TENM4: variants seen among roughly 807,000 people sequenced by gnomAD.
TENM4 encodes teneurin transmembrane protein 4.
TENM4 carries 82 observed loss-of-function variants against 243.3 expected under a neutral mutation model. The ratio of observed to expected loss-of-function variants is 0.34; its 90% confidence interval spans 0.28 to 0.40. The LOEUF is 0.40. TENM4 is among the 10% of genes least tolerant of loss of function. The probability of loss-of-function intolerance (pLI) is 1.00; values close to 1 mark genes in which losing one functional copy is unlikely to be tolerated. For missense variants in TENM4, 3,138 were observed against 3,673.3 expected (o/e 0.85, Z 3.77); for synonymous variants, 1,412 against 1,456.3 (o/e 0.97, Z 0.69).
intron 19 of TENM4, among the ~76,000 whole-genome samples, chr11:78,754,494 G>C (rs891802817): frequency 2.6e-5 from 4 of 152,190 alleles, no homozygotes; most frequent in Non-Finnish European, 5.9e-5. Context: ...CCAGTAAGCA[G>C]AACAGCCATA....
rs1218683396 is a variant in TENM4 at position 78,661,589 on chromosome 11, C to T, written c.7411G>A (p.Val2471Ile). The change falls in exon 33 of 34, where the codon GTT becomes ATT. Residue 2471 changes from valine (V) to isoleucine (I), a missense_variant and splice_region_variant. Val to Ile is a conservative substitution (Grantham distance 29, BLOSUM62 3). Around this residue, in one of 2 missense-constraint regions of TENM4, gnomAD observed 2,467 missense variants for 3,059.1 expected, o/e 0.81. Transcript: ENST00000278550. The part of the protein sequence containing the change: ...SQDIKCFMTD[V>I]NSWLLTFGFQ... ...CCAAAGGTGAGCAGCCAGCTGTTAA[C>T]ATCTGGATGGGAGGGAAGCAGAAAC... The T allele has an allele frequency of 4.3e-6, 7 of 1,612,960 alleles. No individual in the cohort carries two copies. In the South Asian group the frequency reaches 7.7e-5, roughly 18 times the overall value.
At position 78,701,828 on chromosome 11, in the gene TENM4, G is replaced by A; in HGVS notation, c.4785C>T (p.His1595=). ...ELYLFDTTGK[H]LYTQSLPTGD... ...CTGTGGGCAGGCTTTGGGTGTACAG[G>A]TGCTTGCCGGTGGTATCAAACAGAT... The change falls in exon 28 of 34, where the codon CAC becomes CAT. Residue 1595 remains histidine, a synonymous_variant. Coordinates refer to ENST00000278550, the MANE Select transcript of TENM4 (RefSeq NM_001098816.3). 1.2e-6 allele frequency: 2 copies of A among 1,614,042 alleles called. No individual in the cohort carries two copies. Among genetic ancestry groups the A allele is most frequent in the Non-Finnish European group, 1.7e-6 (2 of 1,179,898 alleles).
chr11:79,279,895 G>A (rs1432276726), intron 2 of TENM4, among the ~76,000 whole-genome samples: 3 of 152,168 alleles, frequency 2.0e-5, no homozygotes, highest in Non-Finnish European at 4.4e-5. Flanking sequence ...AGGTGGTTAG[G>A]TTATGAGAGC....
At chr11:78,861,373 T>A (rs1383462511) in intron 10 of TENM4, among the ~76,000 whole-genome samples, 1 of 152,212 alleles carries the variant, frequency 6.6e-6, no homozygotes, top group African/African-American at 2.4e-5. Flanking sequence ...AGGGATTTGC[T>A]TAAGGTGATA....
At chr11:79,109,055 T>G (rs1861442010) in intron 4 of TENM4, among the ~76,000 whole-genome samples, 1 of 152,170 alleles carries the variant, frequency 6.6e-6, no homozygotes, top group African/African-American at 2.4e-5. Flanking sequence ...TGAGTCACTT[T>G]GCACACATCT....
intron 12 of TENM4, among the ~76,000 whole-genome samples, chr11:78,830,517 C>G (rs1857955757): frequency 6.6e-6 from 1 of 152,240 alleles, no homozygotes. Context: ...TCCCAGGGAG[C>G]AGACTCCCCC....
intron 6 of TENM4, among the ~76,000 whole-genome samples, chr11:78,992,573 A>G (rs1858072977): frequency 6.6e-6 from 1 of 152,230 alleles, no homozygotes; most frequent in South Asian, 2.1e-4. Flanking sequence ...TTCCTGCCGA[A>G]GATAGTTTTG....
At chr11:78,979,004 T>C (rs1471987477) in intron 6 of TENM4, among the ~76,000 whole-genome samples, 1 of 151,970 alleles carries the variant, frequency 6.6e-6, no homozygotes, top group Non-Finnish European at 1.5e-5. Context: ...TTTCATGGGA[T>C]TGGGGAAATG....
chr11:78,903,328 T>G lies in TENM4; in HGVS notation c.689A>C (p.Gln230Pro). 6.7e-7 allele frequency: 1 copy of G among 1,482,704 alleles called. No individual in the cohort carries two copies. Among genetic ancestry groups the G allele is most frequent in the African/African-American group, 1.5e-5 (1 of 68,360 alleles). 91.8% of individuals were successfully genotyped at this position (1,482,704 alleles called of 1,614,324 possible). ...GTTCTCCTGGGCGTGGGCAGGCTCC[T>G]GGGCGCCGCCGGCAGGGGGCTCTCC... ...LSGEPPAGGAQEPAHAQENWL... is the reference protein window; with the variant it reads ...LSGEPPAGGAPEPAHAQENWL... Residue 230 changes from glutamine (Q) to proline (P), a missense_variant, in exon 7 of 34, where the codon CAG becomes CCG. Gln to Pro is a moderately conservative substitution (Grantham distance 76). Around this residue, in one of 2 missense-constraint regions of TENM4, gnomAD observed 671 missense variants for 614.1 expected, o/e 1.09. Coordinates refer to ENST00000278550, the MANE Select transcript of TENM4 (RefSeq NM_001098816.3).
chr11:79,061,763 G>A (rs952413957), intron 6 of TENM4, among the ~76,000 whole-genome samples: 1 of 151,900 alleles, frequency 6.6e-6, no homozygotes, highest in African/African-American at 2.4e-5. Context: ...AAAGATTTTA[G>A]AGTCATGTAG....
intron 4 of TENM4, among the ~76,000 whole-genome samples, chr11:79,119,178 G>A (rs1861685556): frequency 6.6e-6 from 1 of 152,048 alleles, no homozygotes; most frequent in Non-Finnish European, 1.5e-5. Flanking sequence ...GAATCATCCA[G>A]CACACCTGTT....
rs538631176 is a variant in TENM4 at position 78,653,411 on chromosome 11, C to G, written c.*4647G>C. ...ATTTACAGCCTTGTTGGTATTTACA[C>G]AGTCAAGATACAGTGTTAGAAACAC... On this transcript the variant is annotated 3_prime_UTR_variant, in exon 34 of 34. Transcript: ENST00000278550. 40 of 152,114 alleles carry G rather than the reference C, an allele frequency of 2.6e-4. No homozygotes were observed. Among genetic ancestry groups the G allele is most frequent in the African/African-American group, 7.0e-4 (29 of 41,466 alleles). 9.4% of individuals were successfully genotyped at this position (152,114 alleles called of 1,614,324 possible).
intron 2 of TENM4, among the ~76,000 whole-genome samples, chr11:79,239,064 C>T (rs186192692): frequency 6.6e-6 from 1 of 152,204 alleles, no homozygotes; most frequent in East Asian, 1.9e-4. Context: ...GAATTAGGTG[C>T]TCTCAGTTGA....
chr11:78,697,837 C>A (rs1351966500), intron 28 of TENM4, among the ~76,000 whole-genome samples: 1 of 152,134 alleles, frequency 6.6e-6, no homozygotes, highest in Non-Finnish European at 1.5e-5. Flanking sequence ...AATTCTGGAA[C>A]CTGCCTCATA....
intron 2 of TENM4, among the ~76,000 whole-genome samples, chr11:79,218,003 A>C (rs1864086001): frequency 6.6e-6 from 1 of 152,186 alleles, no homozygotes; most frequent in Non-Finnish European, 1.5e-5. Flanking sequence ...GGTGTGAGCC[A>C]CCATGCCTGG....
chr11:79,135,899 G>C (rs117736704), intron 4 of TENM4, among the ~76,000 whole-genome samples: 8,084 of 151,276 alleles, frequency 0.053, 332 homozygotes, highest in Non-Finnish European at 0.078. Context: ...ATCTGGATGA[G>C]ATTGGAGACT....
chr11:78,704,123 A>C (rs1859179968), intron 27 of TENM4, among the ~76,000 whole-genome samples: 1 of 145,666 alleles, frequency 6.9e-6, no homozygotes, highest in Non-Finnish European at 1.5e-5. Context: ...CTATATATAT[A>C]TATACACGTG....
intron 11 of TENM4, among the ~76,000 whole-genome samples, chr11:78,855,023 G>C (rs1858644713): frequency 6.6e-6 from 1 of 152,090 alleles, no homozygotes; most frequent in Admixed American, 6.5e-5. Flanking sequence ...AGTCCTACTG[G>C]CCTATTAGCA....
At chr11:79,179,913 A>C (rs948256360) in intron 3 of TENM4, among the ~76,000 whole-genome samples, 1 of 151,748 alleles carries the variant, frequency 6.6e-6, no homozygotes, top group Non-Finnish European at 1.5e-5. Flanking sequence ...GTTCCATTTT[A>C]CAGATTAAGA....
Sources: allele counts gnomAD v4.1 joint callset (sites outside exome capture counted in the v4.1 genomes callset), GRCh38; gene constraint gnomAD v4.1.1; regional missense constraint gnomAD v4.1.1; transcripts MANE v1.5; gene names NCBI Gene and HGNC (gene_info 2026-07-23, HGNC 2026-07-21).